AGBL4: variants seen among roughly 807,000 people sequenced by gnomAD.
The protein encoded by AGBL4 is AGBL carboxypeptidase 4.
A neutral mutation model predicts 66.4 loss-of-function variants in AGBL4; 58 were observed. The ratio of observed to expected loss-of-function variants is 0.87; its 90% CI spans 0.71 to 1.09. The LOEUF (loss-of-function observed/expected upper bound fraction) is 1.09, where lower values mean the gene tolerates loss of function less well. Ranked by LOEUF, AGBL4 falls within the 50% of genes least tolerant of loss-of-function variation. The pLI, the probability that AGBL4 is intolerant of heterozygous loss-of-function variation, is 0.00. For synonymous variants in AGBL4, 234 were observed against 222.9 expected (o/e 1.05, Z -0.44); for missense variants, 579 against 631.0 (o/e 0.92, Z 0.88).
intron 9 of AGBL4, chr1:48,634,254 T>C (rs1211901948): frequency 2.9e-6 from 1 of 339,538 alleles, no homozygotes; most frequent in Admixed American, 4.6e-5. Flanking sequence ...CTCCAATATA[T>C]TTCCTTTAAC....
At chr1:49,557,060 G>C (rs994925496) in intron 3 of AGBL4, among the ~76,000 whole-genome samples, 1 of 152,034 alleles carries the variant, frequency 6.6e-6, no homozygotes, top group African/African-American at 2.4e-5. Flanking sequence ...TGATTGCTGC[G>C]TGCAGCCCTG....
chr1:48,885,908 T>C (rs1417092340), intron 5 of AGBL4, among the ~76,000 whole-genome samples: 3 of 152,188 alleles, frequency 2.0e-5, no homozygotes, highest in Non-Finnish European at 4.4e-5. Context: ...CAACCCCAAA[T>C]GGTATTGCAA....
chr1:48,871,822 C>T (rs1230112493), intron 5 of AGBL4, among the ~76,000 whole-genome samples: 1 of 152,060 alleles, frequency 6.6e-6, no homozygotes, highest in African/African-American at 2.4e-5. Flanking sequence ...ATTATTCCCC[C>T]ATGCATCGAG....
Position 49,979,854 on chromosome 1 carries a change from A to G in AGBL4, c.34+43909T>C, listed in dbSNP as rs145334568. On this transcript the variant is annotated intron_variant, in intron 1 of 13. Coordinates refer to ENST00000371839, the MANE Select transcript of AGBL4 (RefSeq NM_032785.4). The stretch of plus-strand genomic sequence containing the variant: ...AGCAGAGGAAAGTCATGACACTACA[A>G]AAAAAAATTAATTGCTTGGTATGTA... Among the ~76,000 whole-genome samples the G allele has an allele frequency of 5.0e-4, 76 of 151,640 alleles. 1 individual carries two copies. Among genetic ancestry groups the G allele is most frequent in the African/African-American group, 1.7e-3 (69 of 41,490 alleles).
intron 6 of AGBL4, among the ~76,000 whole-genome samples, chr1:48,858,084 G>A (rs1007447538): frequency 6.6e-6 from 1 of 152,088 alleles, no homozygotes; most frequent in Non-Finnish European, 1.5e-5. Flanking sequence ...AAATACATTT[G>A]TTATCATTAG....
chr1:49,697,287 C>G lies in AGBL4; in HGVS notation c.282+26G>C, dbSNP rs201935316. 7.9e-5 allele frequency: 121 copies of G among 1,535,432 alleles called. No homozygotes were observed. The Middle Eastern group carries it at 1.2e-3, about 15-fold the overall frequency. On this transcript the variant is annotated intron_variant, in intron 3 of 13. Transcript: ENST00000371839. ...GCATATTATTCTTACCAAAACCACT[C>G]TGAAGGTATCCACTATTTCCCTCAC...
chr1:49,488,369 T>C (rs1412733484), intron 3 of AGBL4, among the ~76,000 whole-genome samples: 1 of 151,518 alleles, frequency 6.6e-6, no homozygotes, highest in Non-Finnish European at 1.5e-5. Context: ...CTAATAGTTA[T>C]TCTGTGGCTT....
intron 3 of AGBL4, among the ~76,000 whole-genome samples, chr1:49,391,663 A>G (rs998684626): frequency 5.4e-5 from 8 of 147,196 alleles, no homozygotes; most frequent in Admixed American, 1.4e-4. Context: ...CCGGGTTCAC[A>G]CCATTCTCCT....
chr1:49,732,805 T>C (rs891348346), intron 2 of AGBL4, among the ~76,000 whole-genome samples: 2 of 152,084 alleles, frequency 1.3e-5, no homozygotes, highest in Admixed American at 6.5e-5. Flanking sequence ...TGTGTAATAG[T>C]ATTTACCCCA....
At chr1:49,707,469 T>C (rs990171201) in intron 2 of AGBL4, among the ~76,000 whole-genome samples, 2 of 151,180 alleles carry the variant, frequency 1.3e-5, no homozygotes, top group African/African-American at 2.4e-5. Context: ...TTGGGTCTCA[T>C]GAATATAACA....
chr1:49,544,355 T>C (rs538220475), intron 3 of AGBL4, among the ~76,000 whole-genome samples: 1 of 152,278 alleles, frequency 6.6e-6, no homozygotes, highest in South Asian at 2.1e-4. Flanking sequence ...ATTTGTAATA[T>C]AAAAGAGTAA....
At chr1:49,797,455 A>G (rs1644757858) in intron 2 of AGBL4, among the ~76,000 whole-genome samples, 1 of 152,158 alleles carries the variant, frequency 6.6e-6, no homozygotes, top group South Asian at 2.1e-4. Context: ...TGTTTTAGAG[A>G]CAGGGTCTTG....
chr1:49,123,823 G>T (rs977145809), intron 4 of AGBL4, among the ~76,000 whole-genome samples: 1 of 152,146 alleles, frequency 6.6e-6, no homozygotes, highest in Non-Finnish European at 1.5e-5. Flanking sequence ...TGCCTTGGTT[G>T]CTAGGAAACT....
intron 6 of AGBL4, among the ~76,000 whole-genome samples, chr1:48,733,518 G>A (rs961088370): frequency 3.3e-5 from 5 of 152,132 alleles, no homozygotes; most frequent in South Asian, 2.1e-4. Context: ...ATTTAAAAAC[G>A]GCTTGGAAAA....
At chr1:49,321,487 A>C (rs1406204957) in intron 3 of AGBL4, among the ~76,000 whole-genome samples, 1 of 152,216 alleles carries the variant, frequency 6.6e-6, no homozygotes, top group East Asian at 1.9e-4. Flanking sequence ...GTAAGACTGT[A>C]AACTAATAAT....
intron 3 of AGBL4, among the ~76,000 whole-genome samples, chr1:49,520,910 G>A (rs564559316): frequency 1.3e-5 from 2 of 151,182 alleles, no homozygotes; most frequent in South Asian, 4.2e-4. Context: ...CTGAGTTCAA[G>A]CAATTCTCCT....
chr1:48,934,003 AC>A (rs1299239945), intron 5 of AGBL4, among the ~76,000 whole-genome samples: 5 of 152,186 alleles, frequency 3.3e-5, no homozygotes, highest in Non-Finnish European at 5.9e-5. Context: ...GACGTTGCTC[AC>A]CCATTTAGTT....
chr1:48,524,321 A>G, the AGBL4 span, among the ~76,000 whole-genome samples: 8 of 152,332 alleles, frequency 5.3e-5, no homozygotes, highest in East Asian at 1.9e-4. Flanking sequence ...GAAGAGAGAA[A>G]AAAAAAGAGA....
intron 4 of AGBL4, among the ~76,000 whole-genome samples, chr1:49,086,873 A>G (rs1008378977): frequency 2.6e-5 from 4 of 152,072 alleles, no homozygotes; most frequent in African/African-American, 7.2e-5. Flanking sequence ...AGGGAGCCCC[A>G]TGGACCAGAG....
Sources: gnomAD v4.1 joint callset for allele counts (sites outside exome capture counted in the v4.1 genomes callset) on GRCh38, gnomAD v4.1.1 for gene constraint, MANE v1.5 for transcripts, NCBI Gene and HGNC (gene_info 2026-07-23, HGNC 2026-07-21) for gene names.